The following GRIA2 variants were observed in gnomAD, a reference collection of about 807,000 sequenced individuals.
GRIA2 encodes the protein glutamate ionotropic receptor AMPA type subunit 2, also known as glutamate receptor 2.
In GRIA2, 14 loss-of-function variants were observed where a neutral mutation model predicts 97.3. That is an observed-to-expected ratio of 0.14 (90% CI 0.10 to 0.23). The LOEUF is 0.23. Ranked by LOEUF, GRIA2 falls within the 10% of genes least tolerant of loss-of-function variation. GRIA2 has a pLI of 1.00. For missense variants in GRIA2, 558 were observed against 1,069.8 expected, an observed-to-expected ratio of 0.52 and a Z score of 6.67; for synonymous variants, 412 against 387.8, an observed-to-expected ratio of 1.06 and a Z score of -0.73.
intron 2 of GRIA2, among the ~76,000 whole-genome samples, chr4:157,257,193 C>T (rs375806194): frequency 3.0e-4 from 45 of 152,138 alleles, no homozygotes; most frequent in African/African-American, 9.1e-4. Context: ...GTGTCACCTT[C>T]GAGAAAGCTG....
At chr4:157,278,166 A>G (rs1195950763) in intron 2 of GRIA2, among the ~76,000 whole-genome samples, 1 of 151,718 alleles carries the variant, frequency 6.6e-6, no homozygotes. Context: ...TGCCAACACA[A>G]TATTAAAGAA....
At chr4:157,350,123 T>A (rs1039075417) in intron 12 of GRIA2, among the ~76,000 whole-genome samples, 5 of 152,186 alleles carry the variant, frequency 3.3e-5, no homozygotes, top group Admixed American at 6.5e-5. Context: ...AGATCAAAAC[T>A]TGTATCCTAA....
rs113006488 is a variant in GRIA2, at chr4:157,252,812, A to T, written c.229+31005A>T. 2.4e-3 allele frequency among the ~76,000 whole-genome samples: 372 copies of T among 152,210 alleles called. 2 individuals are homozygous for T. Among genetic ancestry groups the T allele is most frequent in the African/African-American group, 8.8e-3 (366 of 41,560 alleles). ...AAGACACTATCATTTGCCAACTGTTAGTGTGGTTTCAAAGAATAATATCCA... is the reference window on the plus strand; with the variant it reads ...AAGACACTATCATTTGCCAACTGTTTGTGTGGTTTCAAAGAATAATATCCA... On this transcript the variant is annotated intron_variant, in intron 2 of 15. Coordinates refer to ENST00000264426, the MANE Select transcript of GRIA2 (RefSeq NM_001083619.3).
intron 2 of GRIA2, among the ~76,000 whole-genome samples, chr4:157,277,690 A>G (rs904748655): frequency 1.1e-4 from 17 of 151,346 alleles, no homozygotes; most frequent in Non-Finnish European, 2.1e-4. Context: ...GCAGGATTCA[A>G]GGTGAATATA....
chr4:157,355,578 A>ATATATATATTTATTTATATATATATT (rs1222771671), intron 12 of GRIA2, among the ~76,000 whole-genome samples: 7 of 139,692 alleles, frequency 5.0e-5, no homozygotes, highest in East Asian at 2.1e-4. Flanking sequence ...TGGGAAATAT[A>ATATATATATTTATTTATATATATATT]TATATATATT....
rs150773122 is a variant in GRIA2, at chr4:157,351,600, G to T, written c.2044-8296G>T. On this transcript the variant is annotated intron_variant, in intron 12 of 15. Coordinates refer to ENST00000264426, the MANE Select transcript of GRIA2 (RefSeq NM_001083619.3). Reference sequence around the variant, plus strand: ...AGTACAAGCATTAACATGTGATATGGCTAGCCTTTGGGTCACTACCCAAAT... The same window carrying T: ...AGTACAAGCATTAACATGTGATATGTCTAGCCTTTGGGTCACTACCCAAAT... Among the ~76,000 whole-genome samples, 141 of 152,238 alleles carry T rather than the reference G, an allele frequency of 9.3e-4. 1 individual carries two copies. The highest frequency in any genetic ancestry group is 3.2e-3 in the African/African-American group (133 of 41,536).
intron 2 of GRIA2, among the ~76,000 whole-genome samples, chr4:157,282,168 G>T (rs902941408): frequency 3.3e-5 from 5 of 152,068 alleles, no homozygotes; most frequent in African/African-American, 1.2e-4. Flanking sequence ...TCTCTGTGAT[G>T]ATTTTTTATC....
chr4:157,273,292 C>T (rs1240799369), intron 2 of GRIA2, among the ~76,000 whole-genome samples: 2 of 151,926 alleles, frequency 1.3e-5, no homozygotes, highest in Non-Finnish European at 2.9e-5. Flanking sequence ...CAATGGAGAA[C>T]TATATTTACG....
chr4:157,258,748 C>T (rs1160730258), intron 2 of GRIA2, among the ~76,000 whole-genome samples: 3 of 151,976 alleles, frequency 2.0e-5, no homozygotes, highest in Non-Finnish European at 4.4e-5. Context: ...TGATGTCTCC[C>T]CGAACACCCA....
chr4:157,353,098 A>G (rs1290945388), intron 12 of GRIA2, among the ~76,000 whole-genome samples: 2 of 152,266 alleles, frequency 1.3e-5, no homozygotes, highest in East Asian at 3.9e-4. Flanking sequence ...CACGCCTGTA[A>G]TCCCAGCACT....
At position 157,341,995 on chromosome 4, in the gene GRIA2, A is replaced by G. The variant is rs545106157; in HGVS notation, c.2043+533A>G. On this transcript the variant is annotated intron_variant, in intron 12 of 15. Transcript: ENST00000264426. ...AACTTTTAAAATATGTAGTATATTT[A>G]TACTGTGTCTATTAGATGTAGGTTA... 1.1e-4 allele frequency: 27 copies of G among 235,584 alleles called. No homozygotes were observed. The South Asian group carries it at 4.1e-3, about 36-fold the overall frequency. The allele number at this position is 235,584 out of a possible 1,614,324, so 14.6% of individuals were successfully genotyped here.
chr4:157,259,565 GGAA>G (rs1390405881), intron 2 of GRIA2, among the ~76,000 whole-genome samples: 2 of 151,968 alleles, frequency 1.3e-5, no homozygotes, highest in Non-Finnish European at 2.9e-5. Flanking sequence ...CCTGTGTCCT[GGAA>G]GAAGAACAAA....
intron 6 of GRIA2, among the ~76,000 whole-genome samples, chr4:157,322,085 G>A (rs1044799823): frequency 2.6e-5 from 4 of 152,044 alleles, no homozygotes; most frequent in Non-Finnish European, 4.4e-5. Context: ...CTGCTGTTTA[G>A]AATATTATGT....
chr4:157,337,587 G>T (rs1735343071), intron 11 of GRIA2, among the ~76,000 whole-genome samples: 1 of 151,936 alleles, frequency 6.6e-6, no homozygotes, highest in East Asian at 1.9e-4. Context: ...TTTAATTTGG[G>T]CTCTATTACC....
At chr4:157,248,971 G>A (rs2126736470) in intron 2 of GRIA2, among the ~76,000 whole-genome samples, 1 of 151,702 alleles carries the variant, frequency 6.6e-6, no homozygotes, top group African/African-American at 2.4e-5. Context: ...CTGAGTAGCT[G>A]GGCCTATAGG....
intron 2 of GRIA2, among the ~76,000 whole-genome samples, chr4:157,287,923 T>C (rs1732918211): frequency 6.6e-6 from 1 of 151,630 alleles, no homozygotes; most frequent in African/African-American, 2.4e-5. Context: ...GTTTTTCTTG[T>C]GATCTGAGTC....
rs534692521 is a variant in GRIA2, at chr4:157,365,814, T to C, written c.*2383T>C. On this transcript the variant is annotated 3_prime_UTR_variant, in exon 16 of 16. Transcript: ENST00000264426. ...CCAAAATGTTTATGAACTATTCTTA[T>C]GTAAATTTACAATTGTCCTTTACTG... The C allele has an allele frequency of 2.6e-5, 4 of 151,956 alleles. No individual in the cohort carries two copies. The highest frequency in any genetic ancestry group is 5.9e-5 in the Non-Finnish European group (4 of 67,576). 9.4% of individuals were successfully genotyped at this position (151,956 alleles called of 1,614,324 possible). A position where few individuals can be genotyped will look rare whatever the true frequency, so the allele number is the denominator to read the frequency against.
intron 6 of GRIA2, among the ~76,000 whole-genome samples, chr4:157,323,112 G>A (rs1734651028): frequency 6.6e-6 from 1 of 151,808 alleles, no homozygotes; most frequent in Non-Finnish European, 1.5e-5. Flanking sequence ...GAGGTGGGCG[G>A]ATCACGTGGT....
chr4:157,265,196 T>C (rs1380816595), intron 2 of GRIA2, among the ~76,000 whole-genome samples: 1 of 152,132 alleles, frequency 6.6e-6, no homozygotes, highest in African/African-American at 2.4e-5. Flanking sequence ...TGGTGAGCAT[T>C]GGAAATGCGA....
Sources: gnomAD v4.1 joint callset for allele counts (sites outside exome capture counted in the v4.1 genomes callset) on GRCh38, gnomAD v4.1.1 for gene constraint, MANE v1.5 for transcripts, NCBI Gene and HGNC (gene_info 2026-07-23, HGNC 2026-07-21) for gene names.